The following AHCYL1 variants were observed in gnomAD, a reference collection of about 807,000 sequenced individuals.
AHCYL1 encodes S-adenosylhomocysteine hydrolase-like protein 1.
In AHCYL1, 20 loss-of-function variants were observed where a neutral mutation model predicts 79.3. The ratio of observed to expected loss-of-function variants is 0.25; its 90% CI spans 0.18 to 0.37. The LOEUF (loss-of-function observed/expected upper bound fraction) is 0.37, where lower values mean the gene tolerates loss of function less well. Ranked by LOEUF, AHCYL1 falls within the 10% of genes least tolerant of loss-of-function variation. AHCYL1 has a pLI of 1.00. For missense variants in AHCYL1, 330 were observed against 673.6 expected (o/e 0.49, Z 5.65); for synonymous variants, 223 against 242.2 (o/e 0.92, Z 0.74).
Position 109,985,162 on chromosome 1 carries a change from C to A in AHCYL1, c.110C>A (p.Ala37Glu). ...KYSFMATVTK[A>E]PKKQIQFADD... ...TCCTTCATGGCCACCGTCACCAAGG[C>A]GCCCAAGAAGGTGCGGGGGCTCTGG... The change falls in exon 1 of 17, where the codon GCG becomes GAG. Residue 37 changes from alanine to glutamate, a missense_variant. Physicochemically the swap from Ala to Glu is moderately radical, Grantham distance 107 (BLOSUM62 -1). Around this residue, in one of 6 missense-constraint regions of AHCYL1, gnomAD observed 66 missense variants for 68.0 expected, o/e 0.97. Coordinates refer to ENST00000369799, the MANE Select transcript of AHCYL1 (RefSeq NM_006621.7). 1 of 1,608,394 alleles carries A rather than the reference C, an allele frequency of 6.2e-7. No individual in the cohort carries two copies. Among genetic ancestry groups the A allele is most frequent in the Non-Finnish European group, 8.5e-7 (1 of 1,177,808 alleles).
intron 1 of AHCYL1, among the ~76,000 whole-genome samples, chr1:109,991,228 C>G (rs765493652): frequency 1.3e-5 from 2 of 152,042 alleles, no homozygotes; most frequent in Non-Finnish European, 1.5e-5. Flanking sequence ...AAATGGAACA[C>G]AAAGTAAAAA....
At chr1:110,003,738 T>C (rs1017427524) in intron 1 of AHCYL1, among the ~76,000 whole-genome samples, 25 of 152,268 alleles carry the variant, frequency 1.6e-4, no homozygotes, top group African/African-American at 5.8e-4. Context: ...AGGTAGTAGA[T>C]AGCTAAATAG....
intron 2 of AHCYL1, among the ~76,000 whole-genome samples, chr1:110,010,714 A>T (rs1189572726): frequency 6.6e-6 from 1 of 152,200 alleles, no homozygotes; most frequent in African/African-American, 2.4e-5. Context: ...GGAACTACTA[A>T]TGCTTAGGTG....
At position 110,022,881 on chromosome 1, in the gene AHCYL1, G is replaced by C. The variant is rs1004732861; in HGVS notation, c.*1201G>C. On this transcript the variant is annotated 3_prime_UTR_variant, in exon 17 of 17. Coordinates refer to ENST00000369799, the MANE Select transcript of AHCYL1 (RefSeq NM_006621.7). ...ACTTTTGATTGCTACATACCACAAA[G>C]AGTTTATGAACTGAGATCATAAAGG... is the stretch of plus-strand genomic sequence containing the variant. The C allele has an allele frequency of 3.3e-5, 5 of 152,460 alleles. No homozygotes were observed. Among genetic ancestry groups the C allele is most frequent in the Non-Finnish European group, 7.3e-5 (5 of 68,028 alleles). The allele number at this position is 152,460 out of a possible 1,614,324, so 9.4% of individuals were successfully genotyped here. A position where few individuals can be genotyped will look rare whatever the true frequency, so the allele number is the denominator to read the frequency against.
At chr1:109,987,291 A>G (rs562482992) in intron 1 of AHCYL1, among the ~76,000 whole-genome samples, 16 of 152,364 alleles carry the variant, frequency 1.1e-4, no homozygotes, top group South Asian at 8.3e-4. Context: ...GACTTAAGTC[A>G]CTTTTGTACC....
chr1:110,019,245 GA>G, intron 14 of AHCYL1, 126 bp downstream of exon 14: 1 of 1,007,038 alleles, frequency 9.9e-7, no homozygotes, highest in African/African-American at 1.6e-5. Context: ...ATAAATTGTG[GA>G]AACAGGTATT....
At chr1:110,006,988 C>G (rs1650695018) in intron 1 of AHCYL1, among the ~76,000 whole-genome samples, 1 of 152,078 alleles carries the variant, frequency 6.6e-6, no homozygotes, top group African/African-American at 2.4e-5. Context: ...CAACACAGTC[C>G]AGTATTTTTA....
Position 110,011,480 on chromosome 1 carries a change from G to A in AHCYL1, c.376+123G>A, listed in dbSNP as rs1356942889. ...TACTGGGAAGAAAGACAGTATTATG[G>A]ACTTTCGGATAAACACTTCTCTCTC... On this transcript the variant is annotated intron_variant, in intron 3 of 16. Transcript: ENST00000369799. 3.0e-6 allele frequency: 4 copies of A among 1,338,616 alleles called. No individual in the cohort carries two copies. In the Admixed American group the frequency reaches 7.0e-5, roughly 24 times the overall value. The allele number at this position is 1,338,616 out of a possible 1,614,324, so 82.9% of individuals were successfully genotyped here. A position where few individuals can be genotyped will look rare whatever the true frequency, so the allele number is the denominator to read the frequency against.
intron 1 of AHCYL1, among the ~76,000 whole-genome samples, chr1:110,004,752 AAG>A (rs150156904): frequency 0.03 from 4,519 of 152,264 alleles, 234 homozygotes; most frequent in African/African-American, 0.1. Flanking sequence ...TCTCTTTAAA[AAG>A]AGAGAGAACG....
At chr1:110,016,768 T>A in intron 9 of AHCYL1, 38 bp downstream of exon 9, 1 of 1,611,498 alleles carries the variant, frequency 6.2e-7, no homozygotes, top group African/African-American at 1.3e-5. Context: ...TCTTTTTGTG[T>A]ACTTATTAGA....
At chr1:110,010,646 A>G (rs1459791001) in intron 2 of AHCYL1, among the ~76,000 whole-genome samples, 1 of 152,130 alleles carries the variant, frequency 6.6e-6, no homozygotes, top group Non-Finnish European at 1.5e-5. Flanking sequence ...GTCTATATCC[A>G]TGGTTCTCAA....
chr1:110,001,214 TCTCG>T (rs1650292813), intron 1 of AHCYL1, among the ~76,000 whole-genome samples: 1 of 151,572 alleles, frequency 6.6e-6, no homozygotes, highest in African/African-American at 2.4e-5. Context: ...TGAGACGGAG[TCTCG>T]CTCTGTTGCC....
chr1:110,007,945 A>C (rs1411275424), intron 1 of AHCYL1, among the ~76,000 whole-genome samples: 1 of 151,680 alleles, frequency 6.6e-6, no homozygotes, highest in African/African-American at 2.4e-5. Context: ...GCTATTTGCT[A>C]TTGATTAGAG....
intron 11 of AHCYL1, 81 bp downstream of exon 11, chr1:110,018,097 G>T (rs1651538348): frequency 1.4e-6 from 2 of 1,414,904 alleles, no homozygotes. Flanking sequence ...CAAAGGAGGT[G>T]AGACCTCTGT....
chr1:110,021,356 A>G (rs1651782801), intron 16 of AHCYL1, among the ~76,000 whole-genome samples: 1 of 152,208 alleles, frequency 6.6e-6, no homozygotes, highest in Admixed American at 6.5e-5. Flanking sequence ...GCCTCACCCT[A>G]AGAGATTCTG....
chr1:110,021,830 G>A lies in AHCYL1; in HGVS notation c.*150G>A. ...TTTTTCATCTCATTATCCAAGTTCTGCAGACCACACAGGAACTTGCTTCAT... is the reference window on the plus strand; with the variant it reads ...TTTTTCATCTCATTATCCAAGTTCTACAGACCACACAGGAACTTGCTTCAT... On this transcript the variant is annotated 3_prime_UTR_variant, in exon 17 of 17. Coordinates refer to ENST00000369799, the MANE Select transcript of AHCYL1 (RefSeq NM_006621.7). 1 of 786,216 alleles carries A rather than the reference G, an allele frequency of 1.3e-6. No homozygotes were observed. Among genetic ancestry groups the A allele is most frequent in the Non-Finnish European group, 2.0e-6 (1 of 508,758 alleles). The allele number at this position is 786,216 out of a possible 1,614,324, so 48.7% of individuals were successfully genotyped here.
rs1651825701 is a variant in AHCYL1 at position 110,021,841 on chromosome 1, A to G, written c.*161A>G. ...ATTATCCAAGTTCTGCAGACCACACAGGAACTTGCTTCATGGCTCTTTAGA... is the reference window on the plus strand; with the variant it reads ...ATTATCCAAGTTCTGCAGACCACACGGGAACTTGCTTCATGGCTCTTTAGA... On this transcript the variant is annotated 3_prime_UTR_variant, in exon 17 of 17. Transcript: ENST00000369799. 2 of 672,408 alleles carry G rather than the reference A, an allele frequency of 3.0e-6. No homozygotes were observed. The highest frequency in any genetic ancestry group is 3.0e-5 in the East Asian group (1 of 33,260). 41.7% of individuals were successfully genotyped at this position (672,408 alleles called of 1,614,324 possible). A position where few individuals can be genotyped will look rare whatever the true frequency, so the allele number is the denominator to read the frequency against.
intron 1 of AHCYL1, among the ~76,000 whole-genome samples, chr1:109,993,303 G>T (rs1376633684): frequency 6.6e-5 from 10 of 152,140 alleles, no homozygotes; most frequent in Non-Finnish European, 1.3e-4. Flanking sequence ...GGATTTCAAT[G>T]TAGTACTTCT....
At chr1:109,992,042 C>A (rs1557759571) in intron 1 of AHCYL1, among the ~76,000 whole-genome samples, 1 of 151,982 alleles carries the variant, frequency 6.6e-6, no homozygotes, top group Non-Finnish European at 1.5e-5. Context: ...AGCTTTTGGG[C>A]CATGACCTGT....
Sources: gnomAD v4.1 joint callset for allele counts (sites outside exome capture counted in the v4.1 genomes callset) on GRCh38, gnomAD v4.1.1 for gene constraint, gnomAD v4.1.1 regional missense constraint, MANE v1.5 for transcripts, NCBI Gene and HGNC (gene_info 2026-07-23, HGNC 2026-07-21) for gene names.